The following VPS37B variants were observed in gnomAD, a reference collection of about 807,000 sequenced individuals.
VPS37B encodes the protein vacuolar protein sorting-associated protein 37B.
A neutral mutation model predicts 21.2 loss-of-function variants in VPS37B; 11 were observed. The ratio of observed to expected loss-of-function variants is 0.52; its 90% CI spans 0.33 to 0.86. The LOEUF (loss-of-function observed/expected upper bound fraction) is 0.86, where lower values mean the gene tolerates loss of function less well. Among genes scored for constraint, VPS37B ranks in the 40% least tolerant of loss-of-function variants. The probability of loss-of-function intolerance (pLI) is 0.03; values close to 1 mark genes in which losing one functional copy is unlikely to be tolerated. For synonymous variants in VPS37B, 175 were observed against 159.6 expected, an observed-to-expected ratio of 1.10 and a Z score of -0.73; for missense variants, 389 against 374.8, an observed-to-expected ratio of 1.04 and a Z score of -0.31.
intron 2 of VPS37B, among the ~76,000 whole-genome samples, chr12:122,869,124 C>T (rs755540970): frequency 4.6e-5 from 7 of 152,188 alleles, no homozygotes; most frequent in South Asian, 2.1e-4. Context: ...TGAATCAGTT[C>T]GTTTCTTTCC....
chr12:122,877,777 C>G (rs554180540), intron 1 of VPS37B: 3 of 152,200 alleles, frequency 2.0e-5, no homozygotes, highest in Non-Finnish European at 4.4e-5. Flanking sequence ...CCTGAGGCCC[C>G]GCTTGATTGA....
intron 2 of VPS37B, among the ~76,000 whole-genome samples, chr12:122,869,334 T>C (rs1055895261): frequency 1.3e-5 from 2 of 152,234 alleles, no homozygotes; most frequent in Non-Finnish European, 1.5e-5. Flanking sequence ...ATACACACTC[T>C]TCATTCTAGC....
At chr12:122,872,604 G>A (rs1361365538) in intron 1 of VPS37B, 3 of 985,318 alleles carry the variant, frequency 3.0e-6, no homozygotes, top group Non-Finnish European at 3.6e-6. Flanking sequence ...CCCACCCACA[G>A]GGCGGCTCTC....
intron 1 of VPS37B, among the ~76,000 whole-genome samples, chr12:122,891,118 C>T (rs755986276): frequency 9.2e-5 from 14 of 152,178 alleles, no homozygotes; most frequent in South Asian, 4.1e-4. Flanking sequence ...AGTGAGGTAA[C>T]TACAATTAAA....
At position 122,865,837 on chromosome 12, in the gene VPS37B, C is replaced by T. The variant is rs533794702; in HGVS notation, c.*1279G>A. 1 of 152,452 alleles carries T rather than the reference C, an allele frequency of 6.6e-6. No homozygotes were observed. The highest frequency in any genetic ancestry group is 2.1e-4 in the South Asian group (1 of 4,830). 9.4% of individuals were successfully genotyped at this position (152,452 alleles called of 1,614,324 possible). On this transcript the variant is annotated 3_prime_UTR_variant, in exon 4 of 4. Coordinates refer to ENST00000267202, the MANE Select transcript of VPS37B (RefSeq NM_024667.3). Reference sequence around the variant, plus strand: ...CTCGGCCTTTTCCGTCAACAGGTGCCACTGCCCCCTGCTGGGCCCTGGGCC... The same window carrying T: ...CTCGGCCTTTTCCGTCAACAGGTGCTACTGCCCCCTGCTGGGCCCTGGGCC...
chr12:122,872,322 T>A (rs1224986969), intron 1 of VPS37B: 1 of 985,246 alleles, frequency 1.0e-6, no homozygotes, highest in Non-Finnish European at 1.2e-6. Context: ...AGGGCTCTTT[T>A]CAGCAGACAG....
intron 1 of VPS37B, among the ~76,000 whole-genome samples, chr12:122,892,065 G>C (rs952827861): frequency 6.6e-6 from 1 of 152,200 alleles, no homozygotes; most frequent in Admixed American, 6.5e-5. Flanking sequence ...TTCCTTTTAA[G>C]GGAGTGCCCT....
intron 1 of VPS37B, chr12:122,872,036 C>CA (rs1489928022): frequency 8.1e-5 from 80 of 985,252 alleles, no homozygotes; most frequent in Non-Finnish European, 9.5e-5. Flanking sequence ...AACGCCACCC[C>CA]AGTCATCTCA....
chr12:122,888,399 ACT>A (rs911754130), intron 1 of VPS37B: 1 of 356,046 alleles, frequency 2.8e-6, no homozygotes, highest in African/African-American at 2.1e-5. Context: ...AAATCTGAAA[ACT>A]CACACAGCTG....
chr12:122,872,051 C>T (rs2034049430), intron 1 of VPS37B: 1 of 985,266 alleles, frequency 1.0e-6, no homozygotes, highest in African/African-American at 1.7e-5. Flanking sequence ...ATCTCATTTT[C>T]CCCTTAATAT....
rs2034054905 is a variant in VPS37B at position 122,872,302 on chromosome 12, C to T, written c.112-1241G>A. ...CATGCCTCAATCAGGAGATCCCTAA[C>T]CCCAGCAGGAGGGCTCTTTTCAGCA... On this transcript the variant is annotated intron_variant, in intron 1 of 3. Coordinates refer to ENST00000267202, the MANE Select transcript of VPS37B (RefSeq NM_024667.3). 6.1e-6 allele frequency: 6 copies of T among 985,312 alleles called. No homozygotes were observed. The South Asian group carries it at 1.9e-4, about 31-fold the overall frequency. 61.0% of individuals were successfully genotyped at this position (985,312 alleles called of 1,614,324 possible). A position where few individuals can be genotyped will look rare whatever the true frequency, so the allele number is the denominator to read the frequency against.
At chr12:122,872,340 C>T in intron 1 of VPS37B, 2 of 985,462 alleles carry the variant, frequency 2.0e-6, no homozygotes, top group Non-Finnish European at 2.4e-6. Flanking sequence ...CAGTGATCTG[C>T]ATCTCCAGAC....
intron 1 of VPS37B, chr12:122,888,450 T>A (rs890232357): frequency 4.7e-6 from 2 of 429,740 alleles, no homozygotes; most frequent in African/African-American, 4.0e-5. Flanking sequence ...TGTCTCAGCA[T>A]GTTCTGAGCG....
chr12:122,885,746 C>G (rs568459685), intron 1 of VPS37B: 3 of 129,852 alleles, frequency 2.3e-5, no homozygotes, highest in African/African-American at 2.8e-5. Flanking sequence ...TGCAGTGGCG[C>G]GATCTCGGCT....
chr12:122,870,807 T>C (rs947842776), intron 2 of VPS37B, 83 bp downstream of exon 2: 2 of 1,468,906 alleles, frequency 1.4e-6, no homozygotes, highest in Non-Finnish European at 1.8e-6. Context: ...TTCCGTAATA[T>C]TTCTTTCCTG....
At position 122,870,992 on chromosome 12, in the gene VPS37B, A is replaced by G. The variant is rs753156439; in HGVS notation, c.181T>C (p.Leu61=). The change falls in exon 2 of 4, where the codon TTG becomes CTG. Residue 61 remains leucine (L), a synonymous_variant. Transcript: ENST00000267202. ...SNRSLAEGNL[L]YQPQLDTLKA... ...AACGTGTCCAGCTGGGGCTGGTACA[A>G]AAGGTTTCCTTCTGCCAGGCTCCGG... 1 of 1,614,196 alleles carries G rather than the reference A, an allele frequency of 6.2e-7. No individual in the cohort carries two copies. The highest frequency in any genetic ancestry group is 1.1e-5 in the South Asian group (1 of 91,074).
At chr12:122,887,658 C>G (rs551006134) in intron 1 of VPS37B, 12 of 152,282 alleles carry the variant, frequency 7.9e-5, no homozygotes, top group Non-Finnish European at 1.5e-4. Context: ...GATCTCCCCC[C>G]ACCAGTGTGT....
intron 1 of VPS37B, chr12:122,875,091 G>T (rs1003941239): frequency 2.0e-5 from 3 of 149,074 alleles, no homozygotes; most frequent in Non-Finnish European, 3.0e-5. Flanking sequence ...ACAGAGTCTC[G>T]CTCTGTCACC....
chr12:122,874,032 G>A (rs1449910044), intron 1 of VPS37B: 1 of 152,246 alleles, frequency 6.6e-6, no homozygotes, highest in Non-Finnish European at 1.5e-5. Context: ...TGATGAAGCA[G>A]AGGCGCTCCC....
Sources: allele counts gnomAD v4.1 joint callset (sites outside exome capture counted in the v4.1 genomes callset), GRCh38; gene constraint gnomAD v4.1.1; transcripts MANE v1.5; gene names NCBI Gene and HGNC (gene_info 2026-07-23, HGNC 2026-07-21).